TBC1D32: variants seen among roughly 807,000 people sequenced by gnomAD.
TBC1D32 encodes the protein TBC1 domain family member 32.
A neutral mutation model predicts 170.3 loss-of-function variants in TBC1D32; 151 were observed. The ratio of observed to expected loss-of-function variants is 0.89; its 90% CI spans 0.78 to 1.01. The LOEUF (loss-of-function observed/expected upper bound fraction) is 1.01. Ranked by LOEUF, TBC1D32 falls within the 50% of genes least tolerant of loss-of-function variation. TBC1D32 has a pLI of 0.00. For synonymous variants in TBC1D32, 498 were observed against 488.0 expected (o/e 1.02, Z -0.27); for missense variants, 1,464 against 1,457.1 (o/e 1.00, Z -0.08).
At chr6:121,295,124 A>G (rs1307401741) in intron 10 of TBC1D32, among the ~76,000 whole-genome samples, 1 of 152,014 alleles carries the variant, frequency 6.6e-6, no homozygotes, top group Non-Finnish European at 1.5e-5. Context: ...TAATTCAAAG[A>G]AAAGAGTCAC....
At chr6:121,239,694 T>A (rs1013788250) in intron 19 of TBC1D32, among the ~76,000 whole-genome samples, 1 of 152,170 alleles carries the variant, frequency 6.6e-6, no homozygotes, top group African/African-American at 2.4e-5. Context: ...AGAAGAATTC[T>A]GCATTTCATA....
intron 22 of TBC1D32, among the ~76,000 whole-genome samples, chr6:121,162,683 C>T (rs1404541368): frequency 6.6e-6 from 1 of 152,162 alleles, no homozygotes; most frequent in Non-Finnish European, 1.5e-5. Flanking sequence ...CTTAAGCTGA[C>T]AAGCAAAGTC....
At chr6:121,170,458 T>G (rs766853168) in intron 22 of TBC1D32, 4 of 1,608,172 alleles carry the variant, frequency 2.5e-6, no homozygotes, top group Non-Finnish European at 3.4e-6. Flanking sequence ...TTAGTAACAT[T>G]TCAGATACCT....
chr6:121,176,006 A>G (rs1787715405), intron 22 of TBC1D32, among the ~76,000 whole-genome samples: 1 of 152,228 alleles, frequency 6.6e-6, no homozygotes, highest in Non-Finnish European at 1.5e-5. Context: ...CTACTGTTTT[A>G]AATGTTGGCA....
chr6:121,113,182 A>T lies in TBC1D32; in HGVS notation c.3054-5T>A. ...AGACTGAGGAATTTGCCATACCTAT[A>T]TTAAAAGCCCACAAAACATAAAACA... On this transcript the variant is annotated splice_polypyrimidine_tract_variant and splice_region_variant and intron_variant, in intron 27 of 31. Transcript: ENST00000398212. The T allele has an allele frequency of 1.9e-6, 3 of 1,571,832 alleles. No individual in the cohort carries two copies. The highest frequency in any genetic ancestry group is 2.6e-6 in the Non-Finnish European group (3 of 1,156,162).
At chr6:121,090,733 G>A in intron 31 of TBC1D32, 120 bp downstream of exon 31, 1 of 850,318 alleles carries the variant, frequency 1.2e-6, no homozygotes, top group Admixed American at 2.7e-5. Flanking sequence ...GATGATAATA[G>A]TATCTACCTC....
At chr6:121,298,454 A>G (rs1468165912) in intron 10 of TBC1D32, among the ~76,000 whole-genome samples, 1 of 152,076 alleles carries the variant, frequency 6.6e-6, no homozygotes, top group Non-Finnish European at 1.5e-5. Context: ...TACATAAACC[A>G]TGGGGAAAAT....
intron 24 of TBC1D32, among the ~76,000 whole-genome samples, chr6:121,155,865 G>C (rs1218064082): frequency 6.6e-6 from 1 of 151,842 alleles, no homozygotes. Flanking sequence ...TCTAACTTGT[G>C]GTGAATTAAC....
chr6:121,292,247 A>G (rs972679971), intron 11 of TBC1D32, 54 bp from the exon 12 acceptor site: 2 of 1,502,526 alleles, frequency 1.3e-6, no homozygotes, highest in Non-Finnish European at 1.8e-6. Flanking sequence ...ATTTTACAGT[A>G]CCTGTCTTCA....
intron 15 of TBC1D32, among the ~76,000 whole-genome samples, chr6:121,265,280 A>G (rs112574399): frequency 0.036 from 5,534 of 152,230 alleles, 276 homozygotes; most frequent in African/African-American, 0.11. Context: ...ACAGACAGAG[A>G]GCCAAATCAT....
intron 20 of TBC1D32, among the ~76,000 whole-genome samples, chr6:121,229,029 A>G (rs1178654684): frequency 6.6e-6 from 1 of 152,178 alleles, no homozygotes; most frequent in African/African-American, 2.4e-5. Context: ...TATCTCTGAC[A>G]CTAAATGTGG....
chr6:121,141,009 A>G (rs540455312), intron 24 of TBC1D32, among the ~76,000 whole-genome samples: 1 of 152,294 alleles, frequency 6.6e-6, no homozygotes, highest in African/African-American at 2.4e-5. Flanking sequence ...AAAATACAGG[A>G]GAAAGAAATC....
chr6:121,286,645 C>A (rs1803892741), intron 12 of TBC1D32, among the ~76,000 whole-genome samples: 1 of 152,222 alleles, frequency 6.6e-6, no homozygotes, highest in Non-Finnish European at 1.5e-5. Flanking sequence ...TCAGGAAATA[C>A]AGAGAACGCC....
At chr6:121,278,796 C>T (rs1003505591) in intron 15 of TBC1D32, among the ~76,000 whole-genome samples, 5 of 151,758 alleles carry the variant, frequency 3.3e-5, no homozygotes, top group Admixed American at 3.3e-4. Flanking sequence ...AAAATATTAC[C>T]ATTGGTTAAG....
At chr6:121,191,991 C>A (rs1275483701) in intron 22 of TBC1D32, among the ~76,000 whole-genome samples, 1 of 151,256 alleles carries the variant, frequency 6.6e-6, no homozygotes. Context: ...GACTGGCTCT[C>A]CTTGCTCTTC....
rs531468411 is a variant in TBC1D32 at position 121,097,035 on chromosome 6, C to T, written c.3466-5994G>A. ...CTGGACCCCTTCCTTATACTTTATA[C>T]AAAAATTAACTCAAGATTGATTAAA... On this transcript the variant is annotated intron_variant, in intron 30 of 31. Coordinates refer to ENST00000398212, the MANE Select transcript of TBC1D32 (RefSeq NM_152730.6). 2.0e-5 allele frequency among the ~76,000 whole-genome samples: 3 copies of T among 152,174 alleles called. No individual in the cohort carries two copies. In the South Asian group the frequency reaches 6.2e-4, roughly 32 times the overall value.
At chr6:121,200,903 C>A (rs1368348895) in intron 22 of TBC1D32, among the ~76,000 whole-genome samples, 1 of 151,266 alleles carries the variant, frequency 6.6e-6, no homozygotes, top group East Asian at 1.9e-4. Flanking sequence ...CTCCTCGGAG[C>A]ATTAGTTCAG....
chr6:121,157,946 C>A (rs1785123130), intron 24 of TBC1D32, among the ~76,000 whole-genome samples: 1 of 151,992 alleles, frequency 6.6e-6, no homozygotes, highest in Non-Finnish European at 1.5e-5. Flanking sequence ...TTTTCTTTTG[C>A]AATGATTTTG....
At chr6:121,267,373 G>T (rs1393849336) in intron 15 of TBC1D32, among the ~76,000 whole-genome samples, 3 of 152,106 alleles carry the variant, frequency 2.0e-5, no homozygotes, top group Non-Finnish European at 4.4e-5. Context: ...CCTAGCCAAG[G>T]GAAGCTATGA....
Sources: allele counts gnomAD v4.1 joint callset (sites outside exome capture counted in the v4.1 genomes callset), GRCh38; gene constraint gnomAD v4.1.1; transcripts MANE v1.5; gene names NCBI Gene and HGNC (gene_info 2026-07-23, HGNC 2026-07-21).